Variants in KCNB2 observed in about 807,000 individuals in gnomAD.
KCNB2 encodes potassium voltage-gated channel subfamily B member 2.
A neutral mutation model predicts 61.5 loss-of-function variants in KCNB2; 15 were observed. That is an observed-to-expected ratio of 0.24 (90% CI 0.16 to 0.38). The LOEUF is 0.38. Among genes scored for constraint, KCNB2 ranks in the 10% least tolerant of loss-of-function variants. The pLI is 1.00. For synonymous variants in KCNB2, 457 were observed against 446.0 expected (o/e 1.02, Z -0.31); for missense variants, 828 against 1,125.2 (o/e 0.74, Z 3.78).
Position 72,888,093 on chromosome 8 carries a change from T to TTTG in KCNB2, c.580-47818_580-47816dup, listed in dbSNP as rs146706652. Among the ~76,000 whole-genome samples the TTTG allele has an allele frequency of 5.0e-3, 756 of 152,014 alleles. 2 individuals are homozygous for TTTG. Among genetic ancestry groups the TTTG allele is most frequent in the African/African-American group, 0.015 (604 of 41,488 alleles). Reference sequence around the variant, plus strand: ...TAAATATTTCTTGATTGATTGCCAGTTTGTTGTTGTTGTTGTTGTTGTTGT... The same window carrying TTTG: ...TAAATATTTCTTGATTGATTGCCAGTTTGTTGTTGTTGTTGTTGTTGTTGTTGT... On this transcript the variant is annotated intron_variant, in intron 2 of 2. Transcript: ENST00000523207.
intron 2 of KCNB2, among the ~76,000 whole-genome samples, chr8:72,766,857 A>G (rs1359429440): frequency 1.3e-5 from 2 of 152,188 alleles, no homozygotes; most frequent in Non-Finnish European, 2.9e-5. Context: ...TGATAAAGAT[A>G]TACCCAAGAC....
At chr8:72,860,652 C>T (rs1810285260) in intron 2 of KCNB2, among the ~76,000 whole-genome samples, 1 of 152,192 alleles carries the variant, frequency 6.6e-6, no homozygotes, top group Non-Finnish European at 1.5e-5. Context: ...AGCAAGCAGG[C>T]CCTTTACTAC....
intron 2 of KCNB2, among the ~76,000 whole-genome samples, chr8:72,867,810 A>C (rs1216988517): frequency 6.6e-6 from 1 of 152,202 alleles, no homozygotes; most frequent in Non-Finnish European, 1.5e-5. Context: ...CTTTTATGTC[A>C]GATGAAGATG....
rs981587064 is a variant in KCNB2, at chr8:72,677,613, G to T, written c.579+109300G>T. ...ACCTCCACGCTGCCAAATCTAGGGC[G>T]CATATCTCAGTATTTATTTTATGCC... On this transcript the variant is annotated intron_variant, in intron 2 of 2. Transcript: ENST00000523207. Among the ~76,000 whole-genome samples the T allele has an allele frequency of 2.6e-5, 4 of 152,066 alleles. No individual in the cohort carries two copies. The South Asian group carries it at 6.2e-4, about 24-fold the overall frequency.
At chr8:72,751,240 ACT>A (rs760650307) in intron 2 of KCNB2, 17 of 152,176 alleles carry the variant, frequency 1.1e-4, no homozygotes, top group Non-Finnish European at 2.1e-4. Flanking sequence ...TGCAAGCCAG[ACT>A]CACAACAATC....
intron 2 of KCNB2, among the ~76,000 whole-genome samples, chr8:72,907,515 C>T (rs1806200487): frequency 6.6e-6 from 1 of 152,172 alleles, no homozygotes; most frequent in Admixed American, 6.6e-5. Context: ...ATCCAAGGCT[C>T]ATGGTATGCT....
intron 2 of KCNB2, among the ~76,000 whole-genome samples, chr8:72,889,499 G>A (rs56042252): frequency 0.33 from 50,631 of 151,832 alleles, 9,081 homozygotes; most frequent in Admixed American, 0.41. Flanking sequence ...ACCAGGTTGG[G>A]CAACATGATA....
chr8:72,740,023 T>G (rs1192205640), intron 2 of KCNB2, among the ~76,000 whole-genome samples: 2 of 152,174 alleles, frequency 1.3e-5, no homozygotes, highest in East Asian at 3.9e-4. Flanking sequence ...ATGTAATGAA[T>G]AGCATTTTGT....
At chr8:72,917,767 C>T (rs1472273234) in intron 2 of KCNB2, among the ~76,000 whole-genome samples, 3 of 152,138 alleles carry the variant, frequency 2.0e-5, no homozygotes, top group African/African-American at 7.2e-5. Context: ...TTAAAAGCCC[C>T]CACTAATCAA....
chr8:72,676,589 A>G (rs1018109627), intron 2 of KCNB2, among the ~76,000 whole-genome samples: 11 of 151,210 alleles, frequency 7.3e-5, no homozygotes, highest in Non-Finnish European at 1.3e-4. Context: ...AACACTGCTG[A>G]TTTGGGGGGA....
At chr8:72,733,053 T>G (rs1585859399) in intron 2 of KCNB2, among the ~76,000 whole-genome samples, 1 of 144,650 alleles carries the variant, frequency 6.9e-6, no homozygotes, top group African/African-American at 2.6e-5. Flanking sequence ...AGAAAGGGAG[T>G]AAGGAGGGGA....
chr8:72,901,619 T>C (rs1349923811), intron 2 of KCNB2, among the ~76,000 whole-genome samples: 1 of 152,172 alleles, frequency 6.6e-6, no homozygotes, highest in African/African-American at 2.4e-5. Flanking sequence ...TTTATGGTCC[T>C]GAAAAACATT....
chr8:72,915,504 A>C (rs1321504265), intron 2 of KCNB2, among the ~76,000 whole-genome samples: 4 of 152,226 alleles, frequency 2.6e-5, no homozygotes, highest in Non-Finnish European at 5.9e-5. Context: ...AGTTCGATGT[A>C]GAGCTTATGG....
intron 2 of KCNB2, among the ~76,000 whole-genome samples, chr8:72,830,453 C>T (rs778932799): frequency 6.6e-6 from 1 of 152,126 alleles, no homozygotes; most frequent in African/African-American, 2.4e-5. Flanking sequence ...CCTTGGACAT[C>T]ATATACTAAA....
intron 2 of KCNB2, among the ~76,000 whole-genome samples, chr8:72,801,249 A>T (rs1297858796): frequency 1.3e-5 from 2 of 152,192 alleles, no homozygotes; most frequent in Non-Finnish European, 2.9e-5. Context: ...ATTTTTGTAG[A>T]TGCTTGTCCT....
intron 2 of KCNB2, among the ~76,000 whole-genome samples, chr8:72,929,802 C>CT (rs917696637): frequency 1.4e-4 from 22 of 152,060 alleles, no homozygotes; most frequent in African/African-American, 5.3e-4. Context: ...TTTTTTATTT[C>CT]TTTTTTTATT....
chr8:72,755,857 T>G (rs2128996049), intron 2 of KCNB2, among the ~76,000 whole-genome samples: 1 of 152,254 alleles, frequency 6.6e-6, no homozygotes, highest in Non-Finnish European at 1.5e-5. Context: ...CCCTACTCAC[T>G]ACAACACCTC....
At chr8:72,894,977 G>T (rs1181098248) in intron 2 of KCNB2, among the ~76,000 whole-genome samples, 2 of 152,116 alleles carry the variant, frequency 1.3e-5, no homozygotes, top group East Asian at 3.9e-4. Context: ...CAGGGACTGA[G>T]ATCATAAATA....
intron 2 of KCNB2, among the ~76,000 whole-genome samples, chr8:72,766,344 T>C (rs1322636128): frequency 6.6e-6 from 1 of 152,174 alleles, no homozygotes; most frequent in Non-Finnish European, 1.5e-5. Flanking sequence ...ATGAACAAAC[T>C]CTTCCCAATT....
Sources: allele counts gnomAD v4.1 joint callset (sites outside exome capture counted in the v4.1 genomes callset), GRCh38; gene constraint gnomAD v4.1.1; transcripts MANE v1.5; gene names NCBI Gene and HGNC (gene_info 2026-07-23, HGNC 2026-07-21).